MAST3: variants seen among roughly 807,000 people sequenced by gnomAD.
MAST3 encodes the protein microtubule associated serine/threonine kinase 3.
MAST3 carries 43 observed loss-of-function variants against 127.0 expected under a neutral mutation model. That is an observed-to-expected ratio of 0.34 (90% confidence interval 0.27 to 0.44). MAST3 has a LOEUF of 0.44. MAST3 is among the 20% of genes least tolerant of loss of function. MAST3 has a pLI of 1.00. For missense variants in MAST3, 1,390 were observed against 1,919.1 expected, an observed-to-expected ratio of 0.72 and a Z score of 5.15; for synonymous variants, 785 against 809.2, an observed-to-expected ratio of 0.97 and a Z score of 0.51.
At chr19:18,120,410 G>A (rs989090480) in intron 3 of MAST3, among the ~76,000 whole-genome samples, 2 of 152,172 alleles carry the variant, frequency 1.3e-5, no homozygotes, top group Non-Finnish European at 2.9e-5. Flanking sequence ...GTGTGGGGGT[G>A]GGACTGTGAC....
rs1321885653 is a variant in MAST3, at chr19:18,123,347, G to A, written c.530G>A (p.Arg177His). ...GATGAGGAAGGCGGCCGGTCACCCC[G>A]CCTCCGACCCCGCTCTCGCAGTCTC... is the stretch of plus-strand genomic sequence containing the variant. Reference protein sequence around the residue: ...VLDEEGGRSPRLRPRSRSLSP... With the variant: ...VLDEEGGRSPHLRPRSRSLSP... Residue 177 changes from arginine to histidine, a missense_variant, in exon 7 of 28, where the codon CGC becomes CAC. Physicochemically the swap from Arg to His is conservative, Grantham distance 29. Coordinates refer to ENST00000687212, the MANE Select transcript of MAST3 (RefSeq NM_001393504.1). 4.3e-6 allele frequency: 7 copies of A among 1,612,786 alleles called. No homozygotes were observed. The highest frequency in any genetic ancestry group is 2.7e-5 in the African/African-American group (2 of 74,900).
intron 17 of MAST3, 117 bp downstream of exon 17, chr19:18,135,099 G>C: frequency 2.4e-6 from 3 of 1,270,006 alleles, no homozygotes; most frequent in Non-Finnish European, 3.3e-6. Flanking sequence ...TTGGATGCCA[G>C]GTGGGGAGGC....
intron 25 of MAST3, among the ~76,000 whole-genome samples, chr19:18,146,545 G>C (rs1329876318): frequency 6.6e-6 from 1 of 152,118 alleles, no homozygotes; most frequent in East Asian, 1.9e-4. Context: ...TGACTCATGG[G>C]CCATTAGGTG....
At chr19:18,132,471 C>T (rs1359698802) in intron 15 of MAST3, among the ~76,000 whole-genome samples, 1 of 152,182 alleles carries the variant, frequency 6.6e-6, no homozygotes, top group Admixed American at 6.5e-5. Context: ...ATTTGCGAGA[C>T]CTTACATGTA....
chr19:18,142,865 CTT>C (rs1189239871), intron 21 of MAST3, among the ~76,000 whole-genome samples: 1 of 151,802 alleles, frequency 6.6e-6, no homozygotes, highest in African/African-American at 2.4e-5. Context: ...AATCCCAACA[CTT>C]TGGGAAGCCG....
intron 10 of MAST3, 82 bp downstream of exon 10, chr19:18,124,448 G>C (rs1322614630): frequency 2.1e-6 from 3 of 1,414,956 alleles, no homozygotes; most frequent in Non-Finnish European, 2.9e-6. Flanking sequence ...AGATACAGGT[G>C]ACAGTTCCCA....
chr19:18,149,208 C>T lies in MAST3; in HGVS notation c.3526C>T (p.Pro1176Ser). Reference sequence around the variant, plus strand: ...ACCCACAGATACCACTGCATCCCCACCCAGCGCATCCCCGAGCTCCAGCAG... The same window carrying T: ...ACCCACAGATACCACTGCATCCCCATCCAGCGCATCCCCGAGCTCCAGCAG... ...DVPADTTASPPSASPSSSSPA... is the reference protein window; with the variant it reads ...DVPADTTASPSSASPSSSSPA... Residue 1176 changes from proline to serine, a missense_variant, in exon 28 of 28, where the codon CCC becomes TCC. Physicochemically the swap from Pro to Ser is moderately conservative, Grantham distance 74 (BLOSUM62 -1). This residue lies in a region of MAST3 where 816 missense variants were observed against 934.1 expected (regional missense o/e 0.87). Coordinates refer to ENST00000687212, the MANE Select transcript of MAST3 (RefSeq NM_001393504.1). The surrounding 1 kb of genome is among the most constrained non-coding windows in gnomAD (Gnocchi z 5.9). 6.5e-7 allele frequency: 1 copy of T among 1,542,824 alleles called. No homozygotes were observed. Among genetic ancestry groups the T allele is most frequent in the Non-Finnish European group, 8.7e-7 (1 of 1,147,654 alleles).
chr19:18,114,194 T>TA (rs1258166339), intron 3 of MAST3, among the ~76,000 whole-genome samples: 1 of 146,776 alleles, frequency 6.8e-6, no homozygotes, highest in East Asian at 2.0e-4. Flanking sequence ...TTCTTTTTCT[T>TA]TTTTTTTTTT....
rs1475557217 is a variant in MAST3 at position 18,129,935 on chromosome 19, AAAG to A, written c.1224-558_1224-556del. Reference sequence around the variant, plus strand: ...GTGAGACCATCTCAAAAAAAAAAAAAAAGGAAAGAAAGAAAGAAAGAAATACAC... The same window carrying A: ...GTGAGACCATCTCAAAAAAAAAAAAAGAAAGAAAGAAAGAAAGAAATACAC... On this transcript the variant is annotated intron_variant, in intron 13 of 27. Transcript: ENST00000687212. Among the ~76,000 whole-genome samples the A allele has an allele frequency of 1.7e-4, 26 of 148,898 alleles. 2 individuals are homozygous for A. The East Asian group carries it at 3.9e-3, about 22-fold the overall frequency.
Position 18,149,186 on chromosome 19 carries a change from C to G in MAST3, c.3509-5C>G. 2.7e-6 allele frequency: 4 copies of G among 1,504,242 alleles called. No homozygotes were observed. Among genetic ancestry groups the G allele is most frequent in the Non-Finnish European group, 3.5e-6 (4 of 1,128,186 alleles). The allele number at this position is 1,504,242 out of a possible 1,614,324, so 93.2% of individuals were successfully genotyped here. On this transcript the variant is annotated splice_polypyrimidine_tract_variant and splice_region_variant and intron_variant, in intron 27 of 27. Coordinates refer to ENST00000687212, the MANE Select transcript of MAST3 (RefSeq NM_001393504.1). This position sits in a 1 kb window ranked among gnomAD's most constrained non-coding sequence, Gnocchi z 5.9. ...GCAGCCCTGACCTACGCTTATCACC[C>G]ACAGATACCACTGCATCCCCACCCA...
rs756060701 is a variant in MAST3, at chr19:18,145,939, C to A, written c.3162+74C>A. 22 of 1,482,668 alleles carry A rather than the reference C, an allele frequency of 1.5e-5. No homozygotes were observed. Among genetic ancestry groups the A allele is most frequent in the Non-Finnish European group, 2.0e-5 (22 of 1,122,152 alleles). The allele number at this position is 1,482,668 out of a possible 1,614,324, so 91.8% of individuals were successfully genotyped here. On this transcript the variant is annotated intron_variant, in intron 25 of 27. Coordinates refer to ENST00000687212, the MANE Select transcript of MAST3 (RefSeq NM_001393504.1). The surrounding 1 kb of genome is among the most constrained non-coding windows in gnomAD (Gnocchi z 5.9). Reference sequence around the variant, plus strand: ...CCGCAGCTCCCGGTTCCCCGTGGTTCTCCGCGTCCAGACACACAACCCCAC... The same window carrying A: ...CCGCAGCTCCCGGTTCCCCGTGGTTATCCGCGTCCAGACACACAACCCCAC...
At chr19:18,121,966 C>A in intron 5 of MAST3, 44 bp downstream of exon 5, 1 of 1,609,420 alleles carries the variant, frequency 6.2e-7, no homozygotes, top group South Asian at 1.1e-5. Flanking sequence ...GCACCACGGG[C>A]AAGGGTTGGG....
chr19:18,126,939 C>T (rs1171758213), intron 11 of MAST3, among the ~76,000 whole-genome samples: 2 of 151,828 alleles, frequency 1.3e-5, no homozygotes, highest in Admixed American at 6.6e-5. Flanking sequence ...CGCCACCACG[C>T]CCGGCTAATT....
chr19:18,111,493 C>T (rs1568552079), intron 3 of MAST3, among the ~76,000 whole-genome samples: 1 of 145,106 alleles, frequency 6.9e-6, no homozygotes, highest in Non-Finnish European at 1.5e-5. Flanking sequence ...ACCATTTACA[C>T]TTTAGTATGA....
chr19:18,125,178 G>T (rs1003604142), intron 11 of MAST3, among the ~76,000 whole-genome samples: 3 of 152,136 alleles, frequency 2.0e-5, no homozygotes, highest in African/African-American at 7.2e-5. Context: ...CAGAACCACC[G>T]CACTGTTCTT....
Position 18,146,998 on chromosome 19 carries a change from C to A in MAST3, c.3280C>A (p.Arg1094=), listed in dbSNP as rs766465489. ...GGCACGCAGGAGCAAGAGGAGCCGT[C>A]GGCGGGAGACCCAGGATCGGTGCGC... is the stretch of plus-strand genomic sequence containing the variant. ...RMARRSKRSR[R]RETQDRCAAV... is the part of the protein sequence containing the mutation. Residue 1094 remains arginine, a synonymous_variant, in exon 26 of 28, where the codon CGG becomes AGG. Transcript: ENST00000687212. 18 of 1,571,404 alleles carry A rather than the reference C, an allele frequency of 1.1e-5. No homozygotes were observed. The highest frequency in any genetic ancestry group is 1.6e-5 in the Non-Finnish European group (18 of 1,158,880).
chr19:18,147,077 T>C, intron 26 of MAST3, 33 bp downstream of exon 26: 1 of 1,393,392 alleles, frequency 7.2e-7, no homozygotes, highest in Non-Finnish European at 9.4e-7. Context: ...GGGACTGGGG[T>C]TCTTTTTTTC....
At chr19:18,108,496 C>G in intron 2 of MAST3, among the ~76,000 whole-genome samples, 1 of 151,880 alleles carries the variant, frequency 6.6e-6, no homozygotes, top group East Asian at 1.9e-4. Flanking sequence ...GCCTCAGCCT[C>G]CAGAGTAGCT....
At chr19:18,101,010 C>T (rs921959728) in intron 1 of MAST3, among the ~76,000 whole-genome samples, 15 of 152,180 alleles carry the variant, frequency 9.9e-5, no homozygotes, top group African/African-American at 3.4e-4. Flanking sequence ...GGCCAGTTTG[C>T]GACAGCCCTG....
Sources: gnomAD v4.1 joint callset for allele counts (sites outside exome capture counted in the v4.1 genomes callset) on GRCh38, gnomAD v4.1.1 for gene constraint, gnomAD v4.1.1 regional missense constraint, Gnocchi (gnomAD v3.1) non-coding constraint, MANE v1.5 for transcripts, NCBI Gene and HGNC (gene_info 2026-07-23, HGNC 2026-07-21) for gene names.